The following PARD3 variants were observed in gnomAD, a reference collection of about 807,000 sequenced individuals.
PARD3 encodes the protein partitioning defective 3 homolog.
In PARD3, 75 loss-of-function variants were observed where a neutral mutation model predicts 155.4. That is an observed-to-expected ratio of 0.48 (90% CI 0.40 to 0.58). The LOEUF is 0.58. Among genes scored for constraint, PARD3 ranks in the 20% least tolerant of loss-of-function variants. PARD3 has a pLI of 0.00. For synonymous variants in PARD3, 576 were observed against 610.5 expected (o/e 0.94, Z 0.83); for missense variants, 1,642 against 1,721.7 (o/e 0.95, Z 0.82).
At chr10:34,720,291 C>A (rs1393829865) in intron 1 of PARD3, among the ~76,000 whole-genome samples, 4 of 151,820 alleles carry the variant, frequency 2.6e-5, no homozygotes, top group Non-Finnish European at 4.4e-5. Flanking sequence ...AAAAATTAGC[C>A]AGGTGTGGTG....
At chr10:34,546,329 A>G (rs1361266048) in intron 2 of PARD3, among the ~76,000 whole-genome samples, 1 of 152,036 alleles carries the variant, frequency 6.6e-6, no homozygotes, top group Admixed American at 6.6e-5. Flanking sequence ...CAGTCTGTCC[A>G]ACATAGTGAA....
intron 1 of PARD3, among the ~76,000 whole-genome samples, chr10:34,808,808 T>C (rs962486584): frequency 3.9e-5 from 6 of 152,194 alleles, no homozygotes; most frequent in African/African-American, 1.2e-4. Context: ...AATTTATCCA[T>C]GTCTACCACA....
intron 1 of PARD3, among the ~76,000 whole-genome samples, chr10:34,738,782 A>G (rs1418335517): frequency 6.6e-6 from 1 of 151,982 alleles, no homozygotes; most frequent in Non-Finnish European, 1.5e-5. Context: ...GGTCAGGGGG[A>G]GGATGGGTGA....
chr10:34,254,036 A>G (rs190088466), intron 22 of PARD3, among the ~76,000 whole-genome samples: 36 of 152,262 alleles, frequency 2.4e-4, no homozygotes, highest in Admixed American at 9.8e-4. Flanking sequence ...CCACAATATA[A>G]TATACCAATG....
chr10:34,604,537 G>C (rs115922551), intron 2 of PARD3, among the ~76,000 whole-genome samples: 2,360 of 150,014 alleles, frequency 0.016, 58 homozygotes, highest in African/African-American at 0.055. Context: ...CTTTGTGATC[G>C]TGTAAGTTAA....
At chr10:34,376,564 G>A (rs1196376356) in intron 10 of PARD3, among the ~76,000 whole-genome samples, 4 of 152,126 alleles carry the variant, frequency 2.6e-5, no homozygotes, top group African/African-American at 7.2e-5. Flanking sequence ...CAGGAAGCAG[G>A]ACCCTAACAT....
intron 1 of PARD3, among the ~76,000 whole-genome samples, chr10:34,805,542 C>CATATAT (rs58820083): frequency 0.1 from 14,422 of 140,484 alleles, 920 homozygotes; most frequent in Non-Finnish European, 0.14. Flanking sequence ...CACGTATGTG[C>CATATAT]ATATATATAT....
chr10:34,632,910 TG>T (rs1023775928), intron 2 of PARD3, among the ~76,000 whole-genome samples: 2 of 152,162 alleles, frequency 1.3e-5, no homozygotes, highest in Non-Finnish European at 2.9e-5. Flanking sequence ...TGGCCACAGG[TG>T]GCTCGGGGAG....
At chr10:34,317,409 T>C in intron 19 of PARD3, 71 bp from the exon 20 acceptor site, 7 of 1,485,782 alleles carry the variant, frequency 4.7e-6, no homozygotes, top group Non-Finnish European at 6.3e-6. Context: ...CTAAAATACA[T>C]TCAAGGACTT....
intron 20 of PARD3, chr10:34,312,396 A>G: frequency 6.2e-7 from 1 of 1,612,470 alleles, no homozygotes; most frequent in Non-Finnish European, 8.5e-7. Flanking sequence ...AATGAGAGAC[A>G]CGGTACAGAC....
At chr10:34,490,978 G>A (rs913132563) in intron 3 of PARD3, among the ~76,000 whole-genome samples, 1 of 152,186 alleles carries the variant, frequency 6.6e-6, no homozygotes, top group Non-Finnish European at 1.5e-5. Flanking sequence ...AGCTCTAGAA[G>A]AGAATTATTG....
chr10:34,785,601 G>T (rs889951068), intron 1 of PARD3, among the ~76,000 whole-genome samples: 1 of 152,088 alleles, frequency 6.6e-6, no homozygotes, highest in Non-Finnish European at 1.5e-5. Flanking sequence ...GCCAGGCATG[G>T]TGGTGCATGC....
chr10:34,358,332 C>T (rs1839101478), intron 14 of PARD3, among the ~76,000 whole-genome samples: 1 of 152,080 alleles, frequency 6.6e-6, no homozygotes, highest in African/African-American at 2.4e-5. Flanking sequence ...AGAGAGGATG[C>T]CCTGTGTCCT....
At chr10:34,485,554 T>C (rs1036210890) in intron 3 of PARD3, among the ~76,000 whole-genome samples, 2 of 152,150 alleles carry the variant, frequency 1.3e-5, no homozygotes, top group African/African-American at 2.4e-5. Context: ...TTCCGGGTCA[T>C]AGATTCAGAG....
rs77838332 is a variant in PARD3, at chr10:34,797,476, A to G, written c.120+17400T>C. 3.4e-3 allele frequency among the ~76,000 whole-genome samples: 516 copies of G among 152,272 alleles called. 4 individuals carry two copies. Among genetic ancestry groups the G allele is most frequent in the African/African-American group, 0.011 (459 of 41,544 alleles). ...CAAAGTAAAGTCTAAACATGTAGAA[A>G]AGGAATCCCTTACCTACTTTGTGAA... On this transcript the variant is annotated intron_variant, in intron 1 of 24. Transcript: ENST00000374788.
At chr10:34,129,676 CTTTTTTTTTGTAATGTCAAGCCTCT>C (rs1564416137) in intron 23 of PARD3, among the ~76,000 whole-genome samples, 1 of 119,922 alleles carries the variant, frequency 8.3e-6, no homozygotes, top group Non-Finnish European at 1.8e-5. Flanking sequence ...TCAAATGTTC[CTTTTTTTTTGTAATGTCAAGCCTCT>C]TTTTTTTTTT....
chr10:34,225,835 G>GTTC (rs1952571641), intron 22 of PARD3, among the ~76,000 whole-genome samples: 1 of 152,162 alleles, frequency 6.6e-6, no homozygotes, highest in Non-Finnish European at 1.5e-5. Flanking sequence ...TAGGGAAAGA[G>GTTC]TTCTTAGATA....
chr10:34,527,415 A>C (rs2082557187), intron 2 of PARD3, among the ~76,000 whole-genome samples: 1 of 152,214 alleles, frequency 6.6e-6, no homozygotes, highest in Admixed American at 6.5e-5. Context: ...TAAAAGCATC[A>C]CAAGAAAAAC....
In PARD3 at chr10:34,712,188, A is replaced by G. The variant is rs142481722; in HGVS notation, c.121-15769T>C. On this transcript the variant is annotated intron_variant, in intron 1 of 24. Transcript: ENST00000374788. ...TCTAAGAGTGTGGAAGGGTACGAAC[A>G]GTGGGTAGTATTGTTACCTGATGAA... is the stretch of plus-strand genomic sequence containing the variant. Among the ~76,000 whole-genome samples the G allele has an allele frequency of 3.9e-3, 587 of 152,352 alleles. 3 individuals are homozygous for G. The highest frequency in any genetic ancestry group is 5.6e-3 in the Admixed American group (85 of 15,300).
Sources: allele counts gnomAD v4.1 joint callset (sites outside exome capture counted in the v4.1 genomes callset), GRCh38; gene constraint gnomAD v4.1.1; transcripts MANE v1.5; gene names NCBI Gene and HGNC (gene_info 2026-07-23, HGNC 2026-07-21).